CNTNAP2: variants seen among roughly 807,000 people sequenced by gnomAD.
CNTNAP2 encodes the protein contactin associated protein 2.
In CNTNAP2, 98 loss-of-function variants were observed where a neutral mutation model predicts 155.2. The ratio of observed to expected loss-of-function variants is 0.63; its 90% CI spans 0.54 to 0.75. CNTNAP2 has a LOEUF of 0.75. CNTNAP2 is among the 30% of genes least tolerant of loss of function. CNTNAP2 has a pLI of 0.00. For missense variants in CNTNAP2, 1,727 were observed against 1,688.1 expected, an observed-to-expected ratio of 1.02 and a Z score of -0.40; for synonymous variants, 651 against 631.2, an observed-to-expected ratio of 1.03 and a Z score of -0.47.
intron 8 of CNTNAP2, among the ~76,000 whole-genome samples, chr7:147,224,199 G>T (rs1180146429): frequency 6.6e-6 from 1 of 152,034 alleles, no homozygotes; most frequent in Non-Finnish European, 1.5e-5. Flanking sequence ...TTTTCAATTT[G>T]CTCTGCTTTT....
intron 12 of CNTNAP2, among the ~76,000 whole-genome samples, chr7:147,599,597 G>A: frequency 6.6e-6 from 1 of 151,934 alleles, no homozygotes; most frequent in East Asian, 1.9e-4. Context: ...ACAGGGCCAT[G>A]CTCTTTCTGA....
chr7:147,562,807 G>A (rs980958302), intron 12 of CNTNAP2, among the ~76,000 whole-genome samples: 3 of 152,094 alleles, frequency 2.0e-5, no homozygotes, highest in Non-Finnish European at 4.4e-5. Context: ...TGAGATTATG[G>A]GTTCTTGTCA....
chr7:146,622,963 A>G (rs925033184), intron 1 of CNTNAP2, among the ~76,000 whole-genome samples: 5 of 142,704 alleles, frequency 3.5e-5, no homozygotes, highest in African/African-American at 1.5e-4. Flanking sequence ...TCTCAAAAAA[A>G]AAAAAGAAAA....
intron 14 of CNTNAP2, among the ~76,000 whole-genome samples, chr7:147,919,459 C>CTTTTTTTTT (rs796710849): frequency 2.0e-5 from 1 of 51,238 alleles, no homozygotes; most frequent in Non-Finnish European, 3.3e-5. Flanking sequence ...CTTTTTCTTT[C>CTTTTTTTTT]TTTTTTTTTT....
At chr7:146,817,655 A>G (rs547266651) in intron 2 of CNTNAP2, among the ~76,000 whole-genome samples, 45 of 152,224 alleles carry the variant, frequency 3.0e-4, no homozygotes, top group Non-Finnish European at 5.1e-4. Context: ...TTTGGCAGGA[A>G]CAAGAGCAAG....
intron 1 of CNTNAP2, among the ~76,000 whole-genome samples, chr7:146,598,643 C>T (rs1396485679): frequency 2.0e-5 from 3 of 152,036 alleles, no homozygotes; most frequent in Non-Finnish European, 4.4e-5. Flanking sequence ...TCTGGAACCC[C>T]TTCCCTATCC....
At position 147,132,428 on chromosome 7, in the gene CNTNAP2, G is replaced by A. The variant is rs1801395134; in HGVS notation, c.1267G>A (p.Glu423Lys). 6.2e-7 allele frequency: 1 copy of A among 1,613,510 alleles called. No individual in the cohort carries two copies. Among genetic ancestry groups the A allele is most frequent in the Non-Finnish European group, 8.5e-7 (1 of 1,179,782 alleles). ...CTTTGCGGATAATTTGGGCAATGTG[G>A]AGATTGACCTCACTGAAAGCAAAGT... The part of the protein sequence containing the change: ...SHFADNLGNV[E>K]IDLTESKVGV... The change falls in exon 8 of 24, where the codon GAG becomes AAG. Residue 423 changes from glutamate (E) to lysine (K), a missense_variant. Glu to Lys is a moderately conservative substitution (Grantham distance 56). Coordinates refer to ENST00000361727, the MANE Select transcript of CNTNAP2 (RefSeq NM_014141.6).
intron 3 of CNTNAP2, among the ~76,000 whole-genome samples, chr7:146,905,818 C>G (rs528781033): frequency 1.3e-5 from 2 of 152,322 alleles, no homozygotes; most frequent in South Asian, 4.1e-4. Flanking sequence ...ATAGGAACAG[C>G]TCCGGGTCTA....
At chr7:146,592,532 T>G (rs1798798369) in intron 1 of CNTNAP2, among the ~76,000 whole-genome samples, 1 of 152,202 alleles carries the variant, frequency 6.6e-6, no homozygotes, top group Non-Finnish European at 1.5e-5. Flanking sequence ...CTCCAATTCC[T>G]AAGAATCCAG....
At chr7:146,261,932 C>T (rs1289661253) in intron 1 of CNTNAP2, among the ~76,000 whole-genome samples, 1 of 152,128 alleles carries the variant, frequency 6.6e-6, no homozygotes, top group African/African-American at 2.4e-5. Flanking sequence ...GACTAATGAA[C>T]AAGCACCTCT....
At chr7:147,236,590 T>C (rs1563128222) in intron 8 of CNTNAP2, among the ~76,000 whole-genome samples, 2 of 151,938 alleles carry the variant, frequency 1.3e-5, no homozygotes, top group Non-Finnish European at 2.9e-5. Flanking sequence ...GTTTTTTTTT[T>C]CTTTTTTAAA....
intron 3 of CNTNAP2, among the ~76,000 whole-genome samples, chr7:147,016,653 A>G (rs993962487): frequency 2.9e-4 from 44 of 152,080 alleles, no homozygotes; most frequent in Non-Finnish European, 4.4e-5. Context: ...CAAATTTTTG[A>G]ATTATATTTA....
At chr7:146,916,375 C>T (rs1585156164) in intron 3 of CNTNAP2, among the ~76,000 whole-genome samples, 1 of 150,998 alleles carries the variant, frequency 6.6e-6, no homozygotes, top group African/African-American at 2.4e-5. Flanking sequence ...TTCTCTTTCT[C>T]TAAAAATATT....
intron 11 of CNTNAP2, among the ~76,000 whole-genome samples, chr7:147,556,026 C>T (rs763809317): frequency 1.7e-4 from 26 of 152,198 alleles, no homozygotes; most frequent in African/African-American, 4.1e-4. Context: ...CCTGCGGCCA[C>T]GTCTGCATGT....
intron 13 of CNTNAP2, among the ~76,000 whole-genome samples, chr7:147,714,357 A>T (rs1388404267): frequency 1.3e-5 from 2 of 152,070 alleles, no homozygotes; most frequent in Non-Finnish European, 2.9e-5. Flanking sequence ...CATGAGGAAG[A>T]AAGGGAAAAG....
At chr7:147,533,377 T>C (rs1799477463) in intron 11 of CNTNAP2, among the ~76,000 whole-genome samples, 2 of 152,062 alleles carry the variant, frequency 1.3e-5, no homozygotes. Flanking sequence ...ATGAAACCTT[T>C]GGGTGAACTC....
chr7:148,026,295 AT>A (rs932293420), intron 15 of CNTNAP2, among the ~76,000 whole-genome samples: 5 of 151,450 alleles, frequency 3.3e-5, no homozygotes, highest in Non-Finnish European at 4.4e-5. Context: ...CAAAAAAAAA[AT>A]TTTTTTTAAA....
Position 146,435,646 on chromosome 7 carries a change from A to G in CNTNAP2, c.97+318673A>G, listed in dbSNP as rs189269399. Reference sequence around the variant, plus strand: ...GGGAGTATAAATCAGGCAGTATATTATATAGGCACTTAGTACATCTGAGAG... The same window carrying G: ...GGGAGTATAAATCAGGCAGTATATTGTATAGGCACTTAGTACATCTGAGAG... On this transcript the variant is annotated intron_variant, in intron 1 of 23. Coordinates refer to ENST00000361727, the MANE Select transcript of CNTNAP2 (RefSeq NM_014141.6). 5.9e-5 allele frequency among the ~76,000 whole-genome samples: 9 copies of G among 152,320 alleles called. No homozygotes were observed. In the East Asian group the frequency reaches 1.5e-3, roughly 26 times the overall value.
At chr7:146,816,443 G>A (rs1160660576) in intron 2 of CNTNAP2, among the ~76,000 whole-genome samples, 3 of 152,124 alleles carry the variant, frequency 2.0e-5, no homozygotes, top group Non-Finnish European at 4.4e-5. Flanking sequence ...ATTCCCAATC[G>A]AGGACCTCAC....
Sources: gnomAD v4.1 joint callset for allele counts (sites outside exome capture counted in the v4.1 genomes callset) on GRCh38, gnomAD v4.1.1 for gene constraint, MANE v1.5 for transcripts, NCBI Gene and HGNC (gene_info 2026-07-23, HGNC 2026-07-21) for gene names.